SSPN: variants seen among roughly 807,000 people sequenced by gnomAD.
SSPN encodes the protein sarcospan, also known as K-ras oncogene-associated protein.
Under a neutral mutation model 19.1 loss-of-function variants are expected in SSPN, and 15 were observed. The ratio of observed to expected loss-of-function variants is 0.78; its 90% CI spans 0.52 to 1.21. The LOEUF (loss-of-function observed/expected upper bound fraction) is 1.21. Among genes scored for constraint, SSPN ranks in the 50% most tolerant of loss-of-function variants. The pLI is 0.00. For synonymous variants in SSPN, 147 were observed against 140.3 expected (o/e 1.05, Z -0.34); for missense variants, 291 against 314.0 (o/e 0.93, Z 0.55).
chr12:26,171,832 T>C (rs570497415), intron 1 of SSPN, among the ~76,000 whole-genome samples: 3 of 152,308 alleles, frequency 2.0e-5, no homozygotes, highest in Admixed American at 2.0e-4. Flanking sequence ...TCCTAAAACC[T>C]AACTTTTTGG....
upstream of SSPN, chr12:26,195,443 G>C: frequency 1.4e-6 from 1 of 716,612 alleles, no homozygotes. Context: ...CCGGGGCCCG[G>C]CAGGCGCTGC....
chr12:26,122,272 G>A (rs1944314074), intron 1 of SSPN: 13 of 1,215,628 alleles, frequency 1.1e-5, no homozygotes, highest in Non-Finnish European at 1.3e-5. Flanking sequence ...ACCGAGGACA[G>A]GCAGGGGAAC....
upstream of SSPN, among the ~76,000 whole-genome samples, chr12:26,190,845 C>A (rs1328993712): frequency 6.6e-6 from 1 of 152,108 alleles, no homozygotes; most frequent in African/African-American, 2.4e-5. Context: ...ACAACTAAGA[C>A]CCATATGATC....
At chr12:26,122,372 A>G in intron 1 of SSPN, 1 of 1,179,594 alleles carries the variant, frequency 8.5e-7, no homozygotes, top group Non-Finnish European at 1.0e-6. Flanking sequence ...ACGGGGCGGC[A>G]GCCGCCGCCG....
At position 26,234,016 on chromosome 12, in the gene SSPN, C is replaced by G. The variant is rs1199202022; in HGVS notation, c.*2940C>G. 1 of 152,162 alleles carries G rather than the reference C, an allele frequency of 6.6e-6. No homozygotes were observed. The highest frequency in any genetic ancestry group is 1.5e-5 in the Non-Finnish European group (1 of 68,034). The allele number at this position is 152,162 out of a possible 1,614,324, so 9.4% of individuals were successfully genotyped here. A position where few individuals can be genotyped will look rare whatever the true frequency, so the allele number is the denominator to read the frequency against. On this transcript the variant is annotated 3_prime_UTR_variant, in exon 3 of 3. Transcript: ENST00000242729. ...TGGAAACTGTAGTCAAGTAACAGGC[C>G]TCACTGTTTTTTTTCTTTGGATTAA... is the stretch of plus-strand genomic sequence containing the variant.
chr12:26,195,754 G>T lies in SSPN; in HGVS notation c.82G>T (p.Glu28Ter). ...AADAAGPDDM[E>*]PKKGTGAPKE... Reference sequence around the variant, plus strand: ...GGACGCCGCTGGGCCCGACGACATGGAGCCGAAGAAGGGCACGGGGGCCCC... The same window carrying T: ...GGACGCCGCTGGGCCCGACGACATGTAGCCGAAGAAGGGCACGGGGGCCCC... The change falls in exon 1 of 3, where the codon GAG becomes TAG. Residue 28 changes from glutamate to a stop codon, truncating the protein, a stop_gained. Transcript: ENST00000242729. LOFTEE classifies it high-confidence loss of function. The T allele has an allele frequency of 2.7e-6, 4 of 1,491,386 alleles. No homozygotes were observed. Among genetic ancestry groups the T allele is most frequent in the Middle Eastern group, 2.3e-4 (1 of 4,256 alleles). 92.4% of individuals were successfully genotyped at this position (1,491,386 alleles called of 1,614,324 possible). A position where few individuals can be genotyped will look rare whatever the true frequency, so the allele number is the denominator to read the frequency against.
chr12:26,178,886 A>G (rs903125191), intron 1 of SSPN, among the ~76,000 whole-genome samples: 74 of 152,236 alleles, frequency 4.9e-4, no homozygotes, highest in African/African-American at 1.8e-3. Context: ...AGATTAATTC[A>G]TTAAATCATT....
chr12:26,125,247 A>G (rs1398506234), intron 1 of SSPN: 1 of 222,494 alleles, frequency 4.5e-6, no homozygotes, highest in Non-Finnish European at 8.5e-6. Context: ...CGGCCAAGCT[A>G]TTCATCTTCC....
At chr12:26,135,712 G>A (rs989969791) in intron 1 of SSPN, among the ~76,000 whole-genome samples, 2 of 152,114 alleles carry the variant, frequency 1.3e-5, no homozygotes, top group African/African-American at 2.4e-5. Context: ...TCTGGTCAAG[G>A]GCTTCTTGCA....
chr12:26,138,001 C>G (rs907524492), intron 1 of SSPN, among the ~76,000 whole-genome samples: 2 of 151,982 alleles, frequency 1.3e-5, no homozygotes, highest in African/African-American at 4.8e-5. Context: ...CCCTCAGTAT[C>G]CACAGGGGAC....
At chr12:26,205,263 G>C (rs1319660343) in intron 1 of SSPN, among the ~76,000 whole-genome samples, 1 of 152,192 alleles carries the variant, frequency 6.6e-6, no homozygotes, top group Non-Finnish European at 1.5e-5. Flanking sequence ...TAAAGCGTTA[G>C]ATTCAGCATT....
chr12:26,124,807 T>G, intron 1 of SSPN: 4 of 1,613,266 alleles, frequency 2.5e-6, no homozygotes, highest in South Asian at 1.1e-5. Flanking sequence ...TTCCTCTGTT[T>G]CGATTTTTGG....
chr12:26,228,753 C>T (rs985092668), intron 2 of SSPN, among the ~76,000 whole-genome samples: 2 of 152,122 alleles, frequency 1.3e-5, no homozygotes, highest in African/African-American at 4.8e-5. Flanking sequence ...TATTTCAGAA[C>T]AACCCAGAAT....
In SSPN at chr12:26,159,991, T is replaced by C. The variant is rs74714821; in HGVS notation, c.-31+37839T>C. 4.9e-3 allele frequency among the ~76,000 whole-genome samples: 751 copies of C among 152,242 alleles called. 10 individuals carry two copies. Among genetic ancestry groups the C allele is most frequent in the African/African-American group, 0.017 (721 of 41,552 alleles). On this transcript the variant is annotated intron_variant, in intron 1 of 2. Transcript: ENST00000538142. Reference sequence around the variant, plus strand: ...GGGATTGGCTGTGACATCTGCCTCTTGATGAGCATTTGTAGATGATTCTGC... The same window carrying C: ...GGGATTGGCTGTGACATCTGCCTCTCGATGAGCATTTGTAGATGATTCTGC...
chr12:26,148,178 T>C (rs1168491004), intron 1 of SSPN, among the ~76,000 whole-genome samples: 1 of 152,226 alleles, frequency 6.6e-6, no homozygotes, highest in Non-Finnish European at 1.5e-5. Context: ...CAGGCCCTGC[T>C]GTCTTCCCAT....
chr12:26,171,814 TA>T lies in SSPN; in HGVS notation c.-31+49665del, dbSNP rs1407405520. Among the ~76,000 whole-genome samples, 10 of 152,298 alleles carry T rather than the reference TA, an allele frequency of 6.6e-5. No individual in the cohort carries two copies. The East Asian group carries it at 1.9e-3, about 29-fold the overall frequency. On this transcript the variant is annotated intron_variant, in intron 1 of 2. Transcript: ENST00000538142. ...AGCTCCTTAGTAATTCTTAAGAACA[TA>T]AAGAGTTCCTAAAACCTAACTTTTT...
chr12:26,216,282 C>G (rs1457264863), intron 1 of SSPN, among the ~76,000 whole-genome samples: 2 of 152,154 alleles, frequency 1.3e-5, no homozygotes, highest in Non-Finnish European at 2.9e-5. Context: ...GCACCGGCAG[C>G]ATCAGCATTT....
intron 1 of SSPN, among the ~76,000 whole-genome samples, chr12:26,179,552 C>A (rs1189087474): frequency 6.6e-6 from 1 of 152,100 alleles, no homozygotes; most frequent in Non-Finnish European, 1.5e-5. Flanking sequence ...TGCTTAGGGG[C>A]CTTGTATTCC....
intron 1 of SSPN, among the ~76,000 whole-genome samples, chr12:26,204,290 G>GTTTTC (rs1944912002): frequency 6.6e-6 from 1 of 152,144 alleles, no homozygotes; most frequent in Non-Finnish European, 1.5e-5. Flanking sequence ...ACATATGGAG[G>GTTTTC]AAGCTGTTTT....
Sources: allele counts gnomAD v4.1 joint callset (sites outside exome capture counted in the v4.1 genomes callset), GRCh38; gene constraint gnomAD v4.1.1; transcripts MANE v1.5; gene names NCBI Gene and HGNC (gene_info 2026-07-23, HGNC 2026-07-21).